Variants in CYP4F12 observed in about 807,000 individuals in gnomAD.
CYP4F12 encodes the protein cytochrome P450 family 4 subfamily F member 12, also known as cytochrome P450 4F12.
Under a neutral mutation model 56.5 loss-of-function variants are expected in CYP4F12, and 60 were observed. The ratio of observed to expected loss-of-function variants is 1.06; its 90% CI spans 0.86 to 1.32. The LOEUF is 1.32. Ranked by LOEUF, CYP4F12 falls within the 40% of genes most tolerant of loss-of-function variation. The probability of loss-of-function intolerance (pLI) is 0.00; values close to 1 mark genes in which losing one functional copy is unlikely to be tolerated. For synonymous variants in CYP4F12, 263 were observed against 264.9 expected, an observed-to-expected ratio of 0.99 and a Z score of 0.07; for missense variants, 711 against 683.5, an observed-to-expected ratio of 1.04 and a Z score of -0.45.
rs372467434 is a variant in CYP4F12, at chr19:15,673,832, C to T, written c.198+105C>T. On this transcript the variant is annotated intron_variant, in intron 2 of 12. Coordinates refer to ENST00000550308, the MANE Select transcript of CYP4F12 (RefSeq NM_023944.4). ...AGGTATTGATGGTGGCTGGGGTCTG[C>T]GACCCCAGAGAAGCAAGAGAGATGG... The T allele has an allele frequency of 1.1e-4, 144 of 1,319,722 alleles. 8 individuals carry two copies. Among genetic ancestry groups the T allele is most frequent in the Middle Eastern group, 5.8e-4 (3 of 5,160 alleles). The allele number at this position is 1,319,722 out of a possible 1,614,324, so 81.8% of individuals were successfully genotyped here. A position where few individuals can be genotyped will look rare whatever the true frequency, so the allele number is the denominator to read the frequency against.
intron 2 of CYP4F12, among the ~76,000 whole-genome samples, chr19:15,677,132 C>T (rs1292696101): frequency 8.1e-5 from 9 of 111,146 alleles, no homozygotes; most frequent in South Asian, 3.6e-4. Flanking sequence ...CATTCATATC[C>T]TCACTCACTC....
Position 15,680,267 on chromosome 19 carries a change from C to A in CYP4F12, c.367C>A (p.Leu123Ile), listed in dbSNP as rs749548478. Residue 123 changes from leucine to isoleucine, a missense_variant, in exon 4 of 13, where the codon CTC becomes ATC. Physicochemically the swap from Leu to Ile is conservative, Grantham distance 5. Coordinates refer to ENST00000550308, the MANE Select transcript of CYP4F12 (RefSeq NM_023944.4). ...ASAAIAPKDN[L>I]FIRFLKPWLG... ...AGCTGCCATTGCACCCAAGGATAATCTCTTCATCAGGTTCCTGAAGCCCTG... is the reference window on the plus strand; with the variant it reads ...AGCTGCCATTGCACCCAAGGATAATATCTTCATCAGGTTCCTGAAGCCCTG... The A allele has an allele frequency of 1.9e-6, 3 of 1,609,372 alleles. No individual in the cohort carries two copies. Among genetic ancestry groups the A allele is most frequent in the Non-Finnish European group, 2.5e-6 (3 of 1,177,380 alleles).
intron 8 of CYP4F12, 24 bp from the exon 9 acceptor site, chr19:15,685,044 C>G: frequency 6.2e-7 from 1 of 1,608,446 alleles, no homozygotes. Context: ...GTGCTGAAGC[C>G]AAGCTTACCT....
In CYP4F12 at chr19:15,685,115, G is replaced by T; in HGVS notation, c.1033G>T (p.Ala345Ser). 6.2e-7 allele frequency: 1 copy of T among 1,614,164 alleles called. No individual in the cohort carries two copies. The highest frequency in any genetic ancestry group is 1.3e-5 in the African/African-American group (1 of 75,052). ...CCTCTCCTGGGTCCTGTACAACCTTGCGAGGCACCCAGAATACCAGGAGCG... is the reference window on the plus strand; with the variant it reads ...CCTCTCCTGGGTCCTGTACAACCTTTCGAGGCACCCAGAATACCAGGAGCG... ...SGLSWVLYNL[A>S]RHPEYQERCR... Residue 345 changes from alanine to serine, a missense_variant, in exon 9 of 13, where the codon GCG becomes TCG. Transcript: ENST00000550308.
At chr19:15,695,851 G>T in intron 9 of CYP4F12, 85 bp from the exon 10 acceptor site, 1 of 1,518,554 alleles carries the variant, frequency 6.6e-7, no homozygotes, top group South Asian at 1.3e-5. Flanking sequence ...GTGATAGGGA[G>T]AAAAGGTCTC....
chr19:15,678,216 A>G (rs768575357), intron 2 of CYP4F12, 45 bp from the exon 3 acceptor site: 1 of 1,612,420 alleles, frequency 6.2e-7, no homozygotes, highest in African/African-American at 1.3e-5. Flanking sequence ...GTGGACACCT[A>G]AAATTAACCA....
Position 15,696,422 on chromosome 19 carries a change from A to C in CYP4F12, c.1315-8A>C. ...CCCACTGGCAAACCTTCTTTGTCTCACCTGCAGGTCTACGACCCCTTCCGC... is the reference window on the plus strand; with the variant it reads ...CCCACTGGCAAACCTTCTTTGTCTCCCCTGCAGGTCTACGACCCCTTCCGC... On this transcript the variant is annotated splice_polypyrimidine_tract_variant and splice_region_variant and intron_variant, in intron 11 of 12. Coordinates refer to ENST00000550308, the MANE Select transcript of CYP4F12 (RefSeq NM_023944.4). The C allele has an allele frequency of 6.2e-7, 1 of 1,614,048 alleles. No homozygotes were observed. The highest frequency in any genetic ancestry group is 8.5e-7 in the Non-Finnish European group (1 of 1,179,998).
At chr19:15,691,868 T>C (rs1389542730) in intron 9 of CYP4F12, among the ~76,000 whole-genome samples, 1 of 152,212 alleles carries the variant, frequency 6.6e-6, no homozygotes, top group African/African-American at 2.4e-5. Context: ...TTTCCACTTA[T>C]TCACATGCCC....
intron 9 of CYP4F12, among the ~76,000 whole-genome samples, chr19:15,694,329 TG>T (rs1454101455): frequency 1.3e-5 from 2 of 152,212 alleles, no homozygotes; most frequent in Non-Finnish European, 2.9e-5. Flanking sequence ...GAGCATGGAA[TG>T]TTCTTCCCTT....
rs999424663 is a variant in CYP4F12, at chr19:15,696,190, G to A, written c.1279G>A (p.Val427Ile). 6.2e-7 allele frequency: 1 copy of A among 1,613,946 alleles called. No individual in the cohort carries two copies. Among genetic ancestry groups the A allele is most frequent in the Non-Finnish European group, 8.5e-7 (1 of 1,180,010 alleles). ...GITCLIDIIG[V>I]HHNPTVWPDP... ...TACCTGCCTCATCGATATTATAGGG[G>A]TCCATCACAACCCAACTGTGTGGCC... Residue 427 changes from valine to isoleucine, a missense_variant, in exon 11 of 13, where the codon GTC becomes ATC. Physicochemically the swap from Val to Ile is conservative, Grantham distance 29. Coordinates refer to ENST00000550308, the MANE Select transcript of CYP4F12 (RefSeq NM_023944.4).
At position 15,686,281 on chromosome 19, in the gene CYP4F12, T is replaced by C. The variant is rs537928099; in HGVS notation, c.1115+1084T>C. Reference sequence around the variant, plus strand: ...ACCTGGGCAATATAGAAAGAACCCATTTCTAAAAAAGTAAAAAACCAAAAT... The same window carrying C: ...ACCTGGGCAATATAGAAAGAACCCACTTCTAAAAAAGTAAAAAACCAAAAT... On this transcript the variant is annotated intron_variant, in intron 9 of 12. Coordinates refer to ENST00000550308, the MANE Select transcript of CYP4F12 (RefSeq NM_023944.4). Among the ~76,000 whole-genome samples, 6 of 152,274 alleles carry C rather than the reference T, an allele frequency of 3.9e-5. No individual in the cohort carries two copies. In the East Asian group the frequency reaches 7.7e-4, roughly 20 times the overall value.
At position 15,697,132 on chromosome 19, in the gene CYP4F12, AC is replaced by A; in HGVS notation, c.*48del. The A allele has an allele frequency of 6.3e-7, 1 of 1,579,398 alleles. No homozygotes were observed. On this transcript the variant is annotated 3_prime_UTR_variant, in exon 13 of 13. Transcript: ENST00000550308. ...TTTTTTGCAGATTGTCATGAATAAA[AC>A]GGTGCTGTCACCTCTGCCTGGGCCT...
At chr19:15,673,453 C>A in intron 1 of CYP4F12, 76 bp from the exon 2 acceptor site, 1 of 1,500,920 alleles carries the variant, frequency 6.7e-7, no homozygotes. Flanking sequence ...CAGTTCCTGA[C>A]TTCGCCCCTA....
At chr19:15,694,449 C>T (rs1324424450) in intron 9 of CYP4F12, among the ~76,000 whole-genome samples, 6 of 151,612 alleles carry the variant, frequency 4.0e-5, no homozygotes, top group Admixed American at 6.6e-5. Context: ...CTCTTTGAAG[C>T]AGTTGTGAAT....
At chr19:15,673,203 G>A (rs1189078602) in intron 1 of CYP4F12, 68 bp downstream of exon 1, 1 of 502,032 alleles carries the variant, frequency 2.0e-6, no homozygotes, top group Non-Finnish European at 3.9e-6. Context: ...GCCTAAGGCT[G>A]GGGTGGCTCC....
intron 2 of CYP4F12, among the ~76,000 whole-genome samples, chr19:15,677,382 G>C (rs376146003): frequency 2.3e-3 from 24 of 10,522 alleles, no homozygotes; most frequent in Admixed American, 3.2e-3. Context: ...TCATTCCTCT[G>C]CTCACTCTCT....
rs562912179 is a variant in CYP4F12, at chr19:15,692,282, C to G, written c.1116-3654C>G. Reference sequence around the variant, plus strand: ...TGGCTTTTTTTGTTGTTAAATCAACCCCTGCAAACATTTATTGTGTGATAA... The same window carrying G: ...TGGCTTTTTTTGTTGTTAAATCAACGCCTGCAAACATTTATTGTGTGATAA... On this transcript the variant is annotated intron_variant, in intron 9 of 12. Transcript: ENST00000550308. Among the ~76,000 whole-genome samples, 4 of 152,060 alleles carry G rather than the reference C, an allele frequency of 2.6e-5. No homozygotes were observed. The East Asian group carries it at 7.7e-4, about 29-fold the overall frequency.
intron 9 of CYP4F12, among the ~76,000 whole-genome samples, chr19:15,690,994 C>T (rs889976829): frequency 1.3e-5 from 2 of 152,154 alleles, no homozygotes; most frequent in African/African-American, 4.8e-5. Context: ...TTTTTCCACT[C>T]AATACTGTGT....
intron 9 of CYP4F12, among the ~76,000 whole-genome samples, chr19:15,687,281 A>T (rs1599983525): frequency 1.3e-5 from 1 of 77,688 alleles, no homozygotes; most frequent in Non-Finnish European, 2.6e-5. Flanking sequence ...TTTCTCAAAA[A>T]AAAAAAAAAA....
Sources: allele counts gnomAD v4.1 joint callset (sites outside exome capture counted in the v4.1 genomes callset), GRCh38; gene constraint gnomAD v4.1.1; transcripts MANE v1.5; gene names NCBI Gene and HGNC (gene_info 2026-07-23, HGNC 2026-07-21).